Variants in STK24 observed in about 807,000 individuals in gnomAD.
STK24 encodes serine/threonine kinase 24, also known as serine/threonine-protein kinase 24.
Under a neutral mutation model 55.6 loss-of-function variants are expected in STK24, and 21 were observed. The observed-to-expected ratio is 0.38, with a 90% CI of 0.27 to 0.54. The LOEUF is 0.54. Ranked by LOEUF, STK24 falls within the 20% of genes least tolerant of loss-of-function variation. The pLI is 0.79. For synonymous variants in STK24, 200 were observed against 215.2 expected (o/e 0.93, Z 0.62); for missense variants, 383 against 538.4 (o/e 0.71, Z 2.86).
intron 2 of STK24, among the ~76,000 whole-genome samples, chr13:98,517,902 T>C (rs1896123383): frequency 6.6e-6 from 1 of 152,200 alleles, no homozygotes; most frequent in Non-Finnish European, 1.5e-5. Context: ...GGAAGGAAAA[T>C]ACGCATTAAG....
In STK24 at chr13:98,452,789, T is replaced by G. The variant is rs1371978049; in HGVS notation, c.*384A>C. The stretch of plus-strand genomic sequence containing the variant: ...GCGATTCTCCAGCTCCCAGAGGGAG[T>G]TATCAACTTAAAGCAGGATACCTGA... On this transcript the variant is annotated 3_prime_UTR_variant, in exon 11 of 11. Coordinates refer to ENST00000539966, the MANE Select transcript of STK24 (RefSeq NM_001032296.4). The G allele has an allele frequency of 5.5e-6, 1 of 181,314 alleles. No individual in the cohort carries two copies. Among genetic ancestry groups the G allele is most frequent in the East Asian group, 1.5e-4 (1 of 6,818 alleles). 11.2% of individuals were successfully genotyped at this position (181,314 alleles called of 1,614,324 possible).
At chr13:98,470,514 C>T (rs557926315) in intron 5 of STK24, among the ~76,000 whole-genome samples, 1 of 152,258 alleles carries the variant, frequency 6.6e-6, no homozygotes, top group African/African-American at 2.4e-5. Context: ...AAGGAGAGAC[C>T]CATTTGGGAA....
chr13:98,457,713 G>A (rs1463974443), intron 9 of STK24, among the ~76,000 whole-genome samples: 10 of 152,160 alleles, frequency 6.6e-5, no homozygotes, highest in East Asian at 1.9e-4. Flanking sequence ...CAAGTGATCC[G>A]CCCGCCTCGG....
chr13:98,529,654 C>G (rs192822086), intron 1 of STK24, among the ~76,000 whole-genome samples: 1 of 152,202 alleles, frequency 6.6e-6, no homozygotes, highest in African/African-American at 2.4e-5. Context: ...GAGAATAGAT[C>G]CTTGGTTGCT....
intron 2 of STK24, among the ~76,000 whole-genome samples, chr13:98,485,683 C>T (rs571717152): frequency 6.6e-6 from 1 of 152,300 alleles, no homozygotes; most frequent in Admixed American, 6.5e-5. Flanking sequence ...TCAGCCTGTG[C>T]CCAGGAATGA....
At position 98,452,944 on chromosome 13, in the gene STK24, A is replaced by G. The variant is rs78433017; in HGVS notation, c.*229T>C. On this transcript the variant is annotated 3_prime_UTR_variant, in exon 11 of 11. Coordinates refer to ENST00000539966, the MANE Select transcript of STK24 (RefSeq NM_001032296.4). Reference sequence around the variant, plus strand: ...TTAAAAACAAAAGTAATAAAATAAAATAAAATGATCGCTGGAAGGAGCTGA... The same window carrying G: ...TTAAAAACAAAAGTAATAAAATAAAGTAAAATGATCGCTGGAAGGAGCTGA... 91 of 444,192 alleles carry G rather than the reference A, an allele frequency of 2.0e-4. 1 individual carries two copies. In the East Asian group the frequency reaches 2.7e-3, roughly 13 times the overall value. The allele number at this position is 444,192 out of a possible 1,614,324, so 27.5% of individuals were successfully genotyped here.
chr13:98,490,712 T>C (rs1398191948), intron 2 of STK24, among the ~76,000 whole-genome samples: 4 of 151,858 alleles, frequency 2.6e-5, no homozygotes, highest in African/African-American at 7.2e-5. Flanking sequence ...AAAACCCGGA[T>C]TGGACAATGT....
At chr13:98,493,430 G>A (rs1895116920) in intron 2 of STK24, among the ~76,000 whole-genome samples, 1 of 152,124 alleles carries the variant, frequency 6.6e-6, no homozygotes, top group Admixed American at 6.5e-5. Flanking sequence ...AAATCTGAGG[G>A]AAAAGAAAAG....
chr13:98,471,014 A>T (rs1894123015), intron 5 of STK24, among the ~76,000 whole-genome samples: 1 of 152,268 alleles, frequency 6.6e-6, no homozygotes. Context: ...TAAGAGCAAC[A>T]CAAGGTTGAC....
chr13:98,451,601 G>A lies in STK24; in HGVS notation c.*1572C>T, dbSNP rs9517312. 32,637 of 151,968 alleles carry A rather than the reference G, an allele frequency of 0.21. 3,628 individuals are homozygous for A. Among genetic ancestry groups the A allele is most frequent in the Middle Eastern group, 0.25 (73 of 294 alleles). 9.4% of individuals were successfully genotyped at this position (151,968 alleles called of 1,614,324 possible). On this transcript the variant is annotated 3_prime_UTR_variant, in exon 11 of 11. Coordinates refer to ENST00000539966, the MANE Select transcript of STK24 (RefSeq NM_001032296.4). ...TCTGTCCCCTCCCTATAGCTTAGAG[G>A]CCACTAGACCAGCAGATAGCTGAGC...
chr13:98,461,006 C>T (rs915324440), intron 8 of STK24, among the ~76,000 whole-genome samples: 1 of 150,974 alleles, frequency 6.6e-6, no homozygotes, highest in African/African-American at 2.4e-5. Context: ...TCTGATGGCA[C>T]CACTGCACTC....
chr13:98,523,110 C>CCGG (rs1341106971), intron 1 of STK24, among the ~76,000 whole-genome samples: 1 of 152,116 alleles, frequency 6.6e-6, no homozygotes, highest in Non-Finnish European at 1.5e-5. Flanking sequence ...ATTGGAATCC[C>CCGG]GGGGTGAGGG....
chr13:98,479,391 T>C (rs1894503923), intron 3 of STK24, among the ~76,000 whole-genome samples: 1 of 152,208 alleles, frequency 6.6e-6, no homozygotes, highest in Non-Finnish European at 1.5e-5. Context: ...CTCTTAATAA[T>C]ACTGTCTCTA....
intron 1 of STK24, chr13:98,553,207 C>G (rs1355707000): frequency 6.6e-6 from 1 of 152,240 alleles, no homozygotes; most frequent in Non-Finnish European, 1.5e-5. Flanking sequence ...GAGAGCCGGA[C>G]GGGCACTCAG....
At position 98,448,126 on chromosome 13, in the gene STK24, T is replaced by C. The variant is rs1338479429; in HGVS notation, c.*5047A>G. On this transcript the variant is annotated 3_prime_UTR_variant, in exon 11 of 11. Transcript: ENST00000539966. ...TTGCTCTTCTGCTGAAGTGGCAGAT[T>C]ACCAACCAGGCGGCCTGACTTCACC... The C allele has an allele frequency of 1.2e-5, 11 of 892,878 alleles. No individual in the cohort carries two copies. Among genetic ancestry groups the C allele is most frequent in the Non-Finnish European group, 1.5e-5 (8 of 538,658 alleles). 55.3% of individuals were successfully genotyped at this position (892,878 alleles called of 1,614,324 possible). A position where few individuals can be genotyped will look rare whatever the true frequency, so the allele number is the denominator to read the frequency against.
intron 2 of STK24, among the ~76,000 whole-genome samples, chr13:98,496,465 T>C (rs1276944473): frequency 6.6e-6 from 1 of 152,160 alleles, no homozygotes; most frequent in Non-Finnish European, 1.5e-5. Context: ...TGGGCCCCGG[T>C]GGGCTGTGGC....
rs769767039 is a variant in STK24, at chr13:98,448,241, T to C, written c.*4932A>G. On this transcript the variant is annotated 3_prime_UTR_variant, in exon 11 of 11. Coordinates refer to ENST00000539966, the MANE Select transcript of STK24 (RefSeq NM_001032296.4). ...CTGGCGTTCCCGTGTTGCAGGTGGA[T>C]GGAAGTGATCCGCAGTGCCACCAGC... 4 of 1,613,768 alleles carry C rather than the reference T, an allele frequency of 2.5e-6. No homozygotes were observed. The highest frequency in any genetic ancestry group is 3.3e-4 in the Middle Eastern group (2 of 6,024).
chr13:98,489,479 G>A (rs1167030396), intron 2 of STK24, among the ~76,000 whole-genome samples: 1 of 152,214 alleles, frequency 6.6e-6, no homozygotes, highest in Non-Finnish European at 1.5e-5. Context: ...TAGGTACCCA[G>A]GGTGGCTGAG....
chr13:98,462,476 C>T (rs1378391949), intron 7 of STK24, among the ~76,000 whole-genome samples: 1 of 152,130 alleles, frequency 6.6e-6, no homozygotes, highest in Non-Finnish European at 1.5e-5. Context: ...CAATGAGCCC[C>T]AGGCCCTGCT....
Sources: gnomAD v4.1 joint callset for allele counts (sites outside exome capture counted in the v4.1 genomes callset) on GRCh38, gnomAD v4.1.1 for gene constraint, MANE v1.5 for transcripts, NCBI Gene and HGNC (gene_info 2026-07-23, HGNC 2026-07-21) for gene names.